Variants in GABRE observed in about 807,000 individuals in gnomAD.
GABRE encodes the protein gamma-aminobutyric acid type A receptor subunit epsilon.
GABRE carries 20 observed loss-of-function variants against 31.0 expected under a neutral mutation model. The ratio of observed to expected loss-of-function variants is 0.64; its 90% CI spans 0.45 to 0.94. The LOEUF is 0.94. Ranked by LOEUF, GABRE falls within the 40% of genes least tolerant of loss-of-function variation. The probability of loss-of-function intolerance (pLI) is 0.00; values close to 1 mark genes in which losing one functional copy is unlikely to be tolerated. For synonymous variants in GABRE, 155 were observed against 150.6 expected (o/e 1.03, Z -0.21); for missense variants, 420 against 410.7 (o/e 1.02, Z -0.20).
chrX:151,974,497 CGGGAGCCGTCCCGGCTCCCGGGGA>C lies in GABRE; in HGVS notation c.56+49_56+72del, dbSNP rs772614605. On this transcript the variant is annotated intron_variant, in intron 1 of 8. Transcript: ENST00000370328. ...GAGGAACGCGGGGCCGCTGGGGTCC[CGGGAGCCGTCCCGGCTCCCGGGGA>C]GAGGGAGCTGGGCGCGAAGGGCTCC... is the stretch of plus-strand genomic sequence containing the variant. 827 of 747,516 alleles carry C rather than the reference CGGGAGCCGTCCCGGCTCCCGGGGA, an allele frequency of 1.1e-3. 13 individuals are homozygous for C. The East Asian group carries it at 0.027, about 25-fold the overall frequency. The allele number at this position is 747,516 out of a possible 1,213,427, so 61.6% of individuals were successfully genotyped here.
rs761662231 is a variant in GABRE, at chrX:151,955,822, T to C, written c.823A>G (p.Arg275Gly). The change falls in exon 7 of 9, where the codon AGG (arginine) becomes GGG (glycine). Residue 275 changes from arginine to glycine, a missense_variant. Physicochemically the swap from Arg to Gly is moderately radical, Grantham distance 125 (BLOSUM62 -2). Transcript: ENST00000370328. ...MVMTIFFNVS[R>G]RFGYVAFQNY... ...TGAAAGGCAACATAGCCAAACCGCC[T>C]GCTCACATTGAAGAAAATCGTCATG... 8.3e-7 allele frequency: 1 copy of C among 1,211,921 alleles called. No homozygotes were observed. The highest frequency in any genetic ancestry group is 1.1e-6 in the Non-Finnish European group (1 of 895,485).
intron 3 of GABRE, among the ~76,000 whole-genome samples, chrX:151,965,319 G>A (rs191708236): frequency 5.4e-5 from 6 of 111,751 alleles, no homozygotes; most frequent in African/African-American, 1.6e-4. Flanking sequence ...AGATATATCC[G>A]TGATTATTTG....
At chrX:151,972,438 G>A (rs889005472) in intron 1 of GABRE, 8 of 754,058 alleles carry the variant, frequency 1.1e-5, no homozygotes, top group Non-Finnish European at 1.3e-5. Context: ...AATGAGTGAT[G>A]TGGCTGGAAA....
intron 8 of GABRE, 78 bp from the exon 9 acceptor site, chrX:151,955,162 G>A: frequency 8.5e-7 from 1 of 1,175,360 alleles, no homozygotes; most frequent in East Asian, 3.2e-5. Flanking sequence ...CGGATTTTCT[G>A]GAAACTGTCT....
intron 6 of GABRE, chrX:151,958,638 C>T (rs756560331): frequency 7.9e-6 from 3 of 378,273 alleles, no homozygotes; most frequent in South Asian, 4.9e-5. Context: ...CTAAACGGAA[C>T]CACTAGTGAC....
At position 151,962,416 on chromosome X, in the gene GABRE, G is replaced by C; in HGVS notation, c.563+7C>G. 1 of 1,196,843 alleles carries C rather than the reference G, an allele frequency of 8.4e-7. No individual in the cohort carries two copies. Among genetic ancestry groups the C allele is most frequent in the Non-Finnish European group, 1.1e-6 (1 of 883,272 alleles). On this transcript the variant is annotated splice_region_variant and intron_variant, in intron 4 of 8. Coordinates refer to ENST00000370328, the MANE Select transcript of GABRE (RefSeq NM_004961.4). ...CCAGGAAGTGAGACTCCAGAGGCTT[G>C]ACATACCTAATTGTGTACAACACCT...
chrX:151,965,974 G>C (rs1487335823), intron 3 of GABRE, among the ~76,000 whole-genome samples: 1 of 112,405 alleles, frequency 8.9e-6, no homozygotes, highest in South Asian at 3.7e-4. Context: ...TGTCCCAAGT[G>C]GCTGGCAGTC....
At chrX:151,965,204 A>G (rs1385088815) in intron 3 of GABRE, among the ~76,000 whole-genome samples, 2 of 111,822 alleles carry the variant, frequency 1.8e-5, no homozygotes, top group Non-Finnish European at 3.8e-5. Context: ...ACCTCTATTT[A>G]GTCTCATGTT....
Position 151,972,922 on chromosome X carries a change from T to C in GABRE, c.56+1648A>G, listed in dbSNP as rs185091783. 6.3e-5 allele frequency among the ~76,000 whole-genome samples: 7 copies of C among 110,981 alleles called. No homozygotes were observed. In the East Asian group the frequency reaches 1.7e-3, roughly 27 times the overall value. ...AGTTTTTCAGACATTCACATGTCTC[T>C]AGACATAATGGTCCAGCATGAAGTT... On this transcript the variant is annotated intron_variant, in intron 1 of 8. Transcript: ENST00000370328.
Position 151,954,851 on chromosome X carries a change from G to C in GABRE, c.1371C>G (p.Phe457Leu). 1 of 1,212,140 alleles carries C rather than the reference G, an allele frequency of 8.2e-7. No homozygotes were observed. Among genetic ancestry groups the C allele is most frequent in the Non-Finnish European group, 1.1e-6 (1 of 895,619 alleles). The change falls in exon 9 of 9, where the codon TTC (phenylalanine) becomes TTG (leucine). Residue 457 changes from phenylalanine (F) to leucine (L), a missense_variant. Transcript: ENST00000370328. ...TGCCCTCACAATCGGGGACCATGCA[G>C]AAGTACTTCTTAAAACGCTTGCACC... ...CEWCKRFKKY[F>L]CMVPDCEGST...
intron 1 of GABRE, among the ~76,000 whole-genome samples, chrX:151,974,364 C>T (rs745383692): frequency 8.9e-6 from 1 of 111,782 alleles, no homozygotes; most frequent in Non-Finnish European, 1.9e-5. Flanking sequence ...CCCTCAAGGA[C>T]CCCGGGAGCC....
intron 6 of GABRE, chrX:151,958,763 G>A (rs1934260593): frequency 3.5e-6 from 1 of 286,696 alleles, no homozygotes; most frequent in East Asian, 1.0e-4. Flanking sequence ...GCTGGCAGAA[G>A]AGCAAGGCTC....
rs1934405490 is a variant in GABRE, at chrX:151,962,288, C to T, written c.563+135G>A. The T allele has an allele frequency of 7.3e-6, 4 of 545,635 alleles. No individual in the cohort carries two copies. The East Asian group carries it at 1.1e-4, about 15-fold the overall frequency. 45.0% of individuals were successfully genotyped at this position (545,635 alleles called of 1,213,427 possible). On this transcript the variant is annotated intron_variant, in intron 4 of 8. Transcript: ENST00000370328. Reference sequence around the variant, plus strand: ...ATATCTGTTACATAAGGGGGCTGAGCTCATGGTCTAGGAAAGCTGGACAGG... The same window carrying T: ...ATATCTGTTACATAAGGGGGCTGAGTTCATGGTCTAGGAAAGCTGGACAGG...
At chrX:151,956,877 T>C (rs1419462322) in intron 6 of GABRE, 1 of 112,170 alleles carries the variant, frequency 8.9e-6, no homozygotes, top group African/African-American at 3.3e-5. Flanking sequence ...GTAGCATTCA[T>C]GCTGCTTTAT....
chrX:151,972,320 C>A, intron 1 of GABRE: 1 of 754,015 alleles, frequency 1.3e-6, no homozygotes, highest in Non-Finnish European at 1.6e-6. Flanking sequence ...AATGCCATAT[C>A]TAGAAGATGT....
chrX:151,960,391 C>T (rs1934328550), intron 5 of GABRE, among the ~76,000 whole-genome samples: 1 of 111,768 alleles, frequency 8.9e-6, no homozygotes, highest in African/African-American at 3.3e-5. Context: ...AATCTTGAAA[C>T]TCAAGTAAAT....
chrX:151,959,517 A>G (rs986471510), intron 6 of GABRE: 31 of 364,276 alleles, frequency 8.5e-5, no homozygotes, highest in Middle Eastern at 8.2e-4. Flanking sequence ...AAAGTCATCC[A>G]AAGAGGTCAG....
Position 151,955,779 on chromosome X carries a change from G to A in GABRE, c.866C>T (p.Ser289Phe), listed in dbSNP as rs1934147338. Residue 289 changes from serine (S) to phenylalanine (F), a missense_variant, in exon 7 of 9, where the codon TCC becomes TTC. Ser to Phe is a radical substitution (Grantham distance 155, BLOSUM62 -2). Transcript: ENST00000370328. ...AACCCAGGAGAGCATCGTGGTCACGGAAGAAGGGACATAGTTTTGAAAGGC... is the reference window on the plus strand; with the variant it reads ...AACCCAGGAGAGCATCGTGGTCACGAAAGAAGGGACATAGTTTTGAAAGGC... ...YVAFQNYVPS[S>F]VTTMLSWVSF... 8.3e-7 allele frequency: 1 copy of A among 1,211,849 alleles called. No homozygotes were observed. The highest frequency in any genetic ancestry group is 1.7e-5 in the African/African-American group (1 of 57,823).
intron 6 of GABRE, chrX:151,958,252 T>C: frequency 5.4e-6 from 1 of 183,768 alleles, no homozygotes. Context: ...GAGGCAGGGC[T>C]GGACTCTCTT....
Sources: gnomAD v4.1 joint callset for allele counts (sites outside exome capture counted in the v4.1 genomes callset) on GRCh38, gnomAD v4.1.1 for gene constraint, MANE v1.5 for transcripts, NCBI Gene and HGNC (gene_info 2026-07-23, HGNC 2026-07-21) for gene names.